AKAP13: variants seen among roughly 807,000 people sequenced by gnomAD.
The protein encoded by AKAP13 is A-kinase anchoring protein 13.
A neutral mutation model predicts 264.5 loss-of-function variants in AKAP13; 80 were observed. The ratio of observed to expected loss-of-function variants is 0.30; its 90% CI spans 0.25 to 0.36. The LOEUF is 0.36. AKAP13 is among the 10% of genes least tolerant of loss of function. AKAP13 has a pLI of 1.00. For missense variants in AKAP13, 3,712 were observed against 3,435.2 expected (o/e 1.08, Z -2.01); for synonymous variants, 1,380 against 1,250.2 (o/e 1.10, Z -2.19).
Position 85,558,287 on chromosome 15 carries a change from C to T in AKAP13, c.662+14332C>T, listed in dbSNP as rs1596522906. ...TGAGAAAAGTCACATCTAGTTTGTC[C>T]AAAAGACATTATCTCTTTATGAGGA... On this transcript the variant is annotated intron_variant, in intron 5 of 36. Transcript: ENST00000394518. 2.6e-5 allele frequency among the ~76,000 whole-genome samples: 4 copies of T among 152,192 alleles called. No homozygotes were observed. In the East Asian group the frequency reaches 5.8e-4, roughly 22 times the overall value.
chr15:85,442,476 T>A (rs192800921), intron 1 of AKAP13, among the ~76,000 whole-genome samples: 9,363 of 119,232 alleles, frequency 0.079, 628 homozygotes, highest in East Asian at 0.29. Context: ...TAATATATAT[T>A]ATATAATATA....
intron 19 of AKAP13, among the ~76,000 whole-genome samples, chr15:85,712,257 A>T (rs1271194769): frequency 6.6e-6 from 1 of 151,996 alleles, no homozygotes; most frequent in East Asian, 1.9e-4. Flanking sequence ...ACTAGTCTAC[A>T]CTCCCAGAAG....
chr15:85,747,392 T>A lies in AKAP13; in HGVS notation c.*2715T>A, dbSNP rs1486290150. The A allele has an allele frequency of 2.0e-5, 3 of 152,372 alleles. No homozygotes were observed. Among genetic ancestry groups the A allele is most frequent in the African/African-American group, 4.8e-5 (2 of 41,432 alleles). The allele number at this position is 152,372 out of a possible 1,614,324, so 9.4% of individuals were successfully genotyped here. ...TTTCTATCACATGAGAAGGGGTTGT[T>A]TTTTTGGGGTGACTCGGACTGAATT... is the stretch of plus-strand genomic sequence containing the variant. On this transcript the variant is annotated 3_prime_UTR_variant, in exon 37 of 37. Transcript: ENST00000394518.
At chr15:85,707,892 C>A in intron 17 of AKAP13, 127 bp from the exon 18 acceptor site, 1 of 840,738 alleles carries the variant, frequency 1.2e-6, no homozygotes, top group Non-Finnish European at 2.0e-6. Flanking sequence ...TGTGTAATTT[C>A]AGTCACATTC....
Position 85,736,073 on chromosome 15 carries a change from T to C in AKAP13, c.7513-17T>C, listed in dbSNP as rs777681693. 1.5e-5 allele frequency: 24 copies of C among 1,574,024 alleles called. No individual in the cohort carries two copies. The highest frequency in any genetic ancestry group is 1.0e-4 in the Admixed American group (6 of 59,728). Reference sequence around the variant, plus strand: ...CAAGATCTTCATTTTTTTATATGTATGTTTTTTGTTTTATAGGGTGGAAAT... The same window carrying C: ...CAAGATCTTCATTTTTTTATATGTACGTTTTTTGTTTTATAGGGTGGAAAT... On this transcript the variant is annotated splice_polypyrimidine_tract_variant and intron_variant, in intron 32 of 36. Transcript: ENST00000394518.
intron 1 of AKAP13, among the ~76,000 whole-genome samples, chr15:85,475,880 C>G (rs1282292402): frequency 1.3e-5 from 2 of 152,130 alleles, no homozygotes; most frequent in Non-Finnish European, 2.9e-5. Context: ...ACAGTTATTT[C>G]TCTAGCATTC....
intron 10 of AKAP13, among the ~76,000 whole-genome samples, chr15:85,654,071 G>A (rs1299465253): frequency 6.6e-6 from 1 of 152,216 alleles, no homozygotes; most frequent in Non-Finnish European, 1.5e-5. Context: ...GAGTTACACA[G>A]AACCTGTTAG....
chr15:85,442,490 A>ATATT (rs1491272735), intron 1 of AKAP13, among the ~76,000 whole-genome samples: 2 of 110,456 alleles, frequency 1.8e-5, no homozygotes, highest in African/African-American at 3.5e-5. Flanking sequence ...TAATATATAT[A>ATATT]ATATATATTA....
At chr15:85,641,820 A>T (rs183988712) in intron 9 of AKAP13, among the ~76,000 whole-genome samples, 1 of 152,172 alleles carries the variant, frequency 6.6e-6, no homozygotes, top group African/African-American at 2.4e-5. Context: ...ATCACTTTGT[A>T]TACTCTTCAA....
intron 5 of AKAP13, among the ~76,000 whole-genome samples, chr15:85,571,227 T>TA (rs375149114): frequency 6.6e-6 from 1 of 151,910 alleles, no homozygotes; most frequent in African/African-American, 2.4e-5. Flanking sequence ...ACCACGCTGA[T>TA]ACTTTTTATA....
At chr15:85,723,373 A>C (rs2087410031) in intron 26 of AKAP13, 53 bp downstream of exon 26, 1 of 1,585,036 alleles carries the variant, frequency 6.3e-7, no homozygotes, top group South Asian at 1.1e-5. Flanking sequence ...ACAGGCAAAA[A>C]TCCAAGTGCT....
chr15:85,687,786 A>G (rs2085028965), intron 16 of AKAP13, among the ~76,000 whole-genome samples: 1 of 152,140 alleles, frequency 6.6e-6, no homozygotes, highest in Admixed American at 6.5e-5. Context: ...CACACCTGTA[A>G]TCTCAGTACT....
chr15:85,718,990 T>C lies in AKAP13; in HGVS notation c.6002-86T>C. The stretch of plus-strand genomic sequence containing the variant: ...TTAAGGTTCAAATTGGGCTCTAAAC[T>C]AGCTTTGGGACTGCAGCAGATGATC... On this transcript the variant is annotated intron_variant, in intron 22 of 36. Coordinates refer to ENST00000394518, the MANE Select transcript of AKAP13 (RefSeq NM_007200.5). This position sits in a 1 kb window ranked among gnomAD's most constrained non-coding sequence, Gnocchi z 4.9. The C allele has an allele frequency of 6.4e-7, 1 of 1,553,094 alleles. No individual in the cohort carries two copies. The highest frequency in any genetic ancestry group is 1.8e-5 in the Admixed American group (1 of 55,886).
At position 85,740,561 on chromosome 15, in the gene AKAP13, A is replaced by C. The variant is rs2088876512; in HGVS notation, c.7608+289A>C. ...GATTACTTCACTTTAGAAAGCCTTA[A>C]GTATGATTATAAGTTTCTATATTCC... On this transcript the variant is annotated intron_variant, in intron 34 of 36. Coordinates refer to ENST00000394518, the MANE Select transcript of AKAP13 (RefSeq NM_007200.5). The C allele has an allele frequency of 1.1e-5, 5 of 441,390 alleles. No individual in the cohort carries two copies. The Admixed American group carries it at 1.5e-4, about 13-fold the overall frequency. 27.3% of individuals were successfully genotyped at this position (441,390 alleles called of 1,614,324 possible).
chr15:85,550,856 G>A (rs2077938457), intron 5 of AKAP13, among the ~76,000 whole-genome samples: 1 of 152,192 alleles, frequency 6.6e-6, no homozygotes. Context: ...AGATAAGGTT[G>A]TAGAACTGAG....
intron 10 of AKAP13, 78 bp downstream of exon 10, chr15:85,646,032 C>G: frequency 6.5e-7 from 1 of 1,539,396 alleles, no homozygotes; most frequent in Non-Finnish European, 8.7e-7. Flanking sequence ...TCTTTTCCAA[C>G]TTTTTCCCCC....
chr15:85,604,759 C>G (rs2080246154), intron 8 of AKAP13, among the ~76,000 whole-genome samples: 1 of 141,586 alleles, frequency 7.1e-6, no homozygotes, highest in Non-Finnish European at 1.5e-5. Flanking sequence ...CTGCTGCACC[C>G]AGCCTTCAAA....
At position 85,736,087 on chromosome 15, in the gene AKAP13, T is replaced by A. The variant is rs1329987417; in HGVS notation, c.7513-3T>A. The A allele has an allele frequency of 1.2e-6, 2 of 1,601,804 alleles. No homozygotes were observed. The highest frequency in any genetic ancestry group is 1.7e-6 in the Non-Finnish European group (2 of 1,169,188). On this transcript the variant is annotated splice_region_variant and splice_polypyrimidine_tract_variant and intron_variant, in intron 32 of 36. Transcript: ENST00000394518. ...TTTTATATGTATGTTTTTTGTTTTA[T>A]AGGGTGGAAATGCTAACCTGGTATT...
chr15:85,418,131 A>G (rs1567046873), intron 1 of AKAP13, among the ~76,000 whole-genome samples: 1 of 151,090 alleles, frequency 6.6e-6, no homozygotes, highest in Non-Finnish European at 1.5e-5. Context: ...GCTGGAGTGC[A>G]GTGGCAGGAT....
Sources: gnomAD v4.1 joint callset for allele counts (sites outside exome capture counted in the v4.1 genomes callset) on GRCh38, gnomAD v4.1.1 for gene constraint, Gnocchi (gnomAD v3.1) non-coding constraint, MANE v1.5 for transcripts, NCBI Gene and HGNC (gene_info 2026-07-23, HGNC 2026-07-21) for gene names.